The following DENND11 variants were observed in gnomAD, a reference collection of about 807,000 sequenced individuals.
DENND11 encodes DENN domain containing 11, also known as DENN domain-containing protein 11.
In DENND11, 34 loss-of-function variants were observed where a neutral mutation model predicts 49.2. The observed-to-expected ratio is 0.69, with a 90% CI of 0.53 to 0.92. The LOEUF is 0.92. Ranked by LOEUF, DENND11 falls within the 40% of genes least tolerant of loss-of-function variation. The pLI, the probability that DENND11 is intolerant of heterozygous loss-of-function variation, is 0.00. For missense variants in DENND11, 475 were observed against 581.6 expected (o/e 0.82, Z 1.88); for synonymous variants, 238 against 230.3 (o/e 1.03, Z -0.30).
chr7:141,674,047 A>C lies in DENND11; in HGVS notation c.681+20T>G. The C allele has an allele frequency of 6.2e-7, 1 of 1,600,790 alleles. No homozygotes were observed. The highest frequency in any genetic ancestry group is 1.3e-5 in the African/African-American group (1 of 74,832). On this transcript the variant is annotated intron_variant, in intron 4 of 8. Transcript: ENST00000536163. ...AGATACAGATCCAGTATAGTGTAAG[A>C]AAAGCAGGGCTAACCTCACCTTCAT...
chr7:141,666,276 C>A lies in DENND11; in HGVS notation c.820+11G>T. 1 of 1,588,404 alleles carries A rather than the reference C, an allele frequency of 6.3e-7. No homozygotes were observed. Among genetic ancestry groups the A allele is most frequent in the Middle Eastern group, 1.7e-4 (1 of 5,926 alleles). ...ATTTAAGCAGCACTCCTGACTCTGG[C>A]TTCTGGTTACCTCTATAGCACACCA... On this transcript the variant is annotated intron_variant, in intron 5 of 8. Transcript: ENST00000536163.
rs183108252 is a variant in DENND11 at position 141,663,049 on chromosome 7, G to A, written c.1173-198C>T. On this transcript the variant is annotated intron_variant, in intron 8 of 8. Transcript: ENST00000536163. ...CTAAGGTTAGCAAAGAAACCATTTG[G>A]CATTAATTATGGTGTGATTAGGGAA... 2.4e-5 allele frequency: 11 copies of A among 466,172 alleles called. 1 individual carries two copies. In the Middle Eastern group the frequency reaches 1.6e-3, roughly 69 times the overall value. 28.9% of individuals were successfully genotyped at this position (466,172 alleles called of 1,614,324 possible).
At chr7:141,666,181 C>A (rs897846838) in intron 5 of DENND11, 106 bp downstream of exon 5, 64 of 1,283,466 alleles carry the variant, frequency 5.0e-5, no homozygotes, top group Non-Finnish European at 6.6e-5. Context: ...AACCCCATCC[C>A]CTGGATGTGG....
intron 3 of DENND11, among the ~76,000 whole-genome samples, chr7:141,680,364 C>T (rs966330616): frequency 2.6e-5 from 4 of 151,710 alleles, no homozygotes; most frequent in South Asian, 2.1e-4. Flanking sequence ...TGTATATATA[C>T]ACACACACAC....
intron 4 of DENND11, among the ~76,000 whole-genome samples, chr7:141,669,973 G>A (rs1213240711): frequency 6.6e-6 from 1 of 151,108 alleles, no homozygotes; most frequent in Non-Finnish European, 1.5e-5. Flanking sequence ...ACCTCGCCCG[G>A]CTAATTTTTT....
intron 1 of DENND11, among the ~76,000 whole-genome samples, chr7:141,693,257 C>T (rs1482164093): frequency 1.3e-5 from 2 of 152,204 alleles, no homozygotes; most frequent in African/African-American, 4.8e-5. Flanking sequence ...ATGATGTTGA[C>T]TATTTTTTCA....
At chr7:141,674,253 A>ACACAC in intron 3 of DENND11, 33 bp from the exon 4 acceptor site, 1 of 1,518,782 alleles carries the variant, frequency 6.6e-7, no homozygotes. Flanking sequence ...ACACACACAC[A>ACACAC]CACACAGTGA....
At chr7:141,681,272 T>C (rs991077781) in intron 3 of DENND11, among the ~76,000 whole-genome samples, 5 of 152,110 alleles carry the variant, frequency 3.3e-5, no homozygotes, top group African/African-American at 1.2e-4. Flanking sequence ...AACTGGCTGG[T>C]TTGCAAGGAA....
chr7:141,699,633 ATAAG>A lies in DENND11; in HGVS notation c.268+2249_268+2252del, dbSNP rs1000748198. On this transcript the variant is annotated intron_variant, in intron 1 of 8. Coordinates refer to ENST00000536163, the MANE Select transcript of DENND11 (RefSeq NM_001080392.2). ...TCCCTCCTTTCTCCTCCATCCCTGG[ATAAG>A]TAAGGATCAGGTGCCAGGGAGCAGG... 2.6e-5 allele frequency among the ~76,000 whole-genome samples: 4 copies of A among 152,238 alleles called. No individual in the cohort carries two copies. In the East Asian group the frequency reaches 7.7e-4, roughly 29 times the overall value.
intron 3 of DENND11, among the ~76,000 whole-genome samples, chr7:141,678,105 G>A (rs1192618552): frequency 6.6e-6 from 1 of 152,000 alleles, no homozygotes; most frequent in Admixed American, 6.6e-5. Context: ...GGGACTACAG[G>A]TGCACACTGC....
intron 4 of DENND11, among the ~76,000 whole-genome samples, chr7:141,671,947 A>G (rs1797988354): frequency 6.6e-6 from 1 of 152,236 alleles, no homozygotes; most frequent in Admixed American, 6.5e-5. Flanking sequence ...GAGTTCTTCA[A>G]TGGAGAGCAT....
intron 8 of DENND11, 106 bp from the exon 9 acceptor site, chr7:141,662,957 C>G (rs926127818): frequency 1.3e-6 from 1 of 743,890 alleles, no homozygotes; most frequent in African/African-American, 1.8e-5. Flanking sequence ...GTTTAATGTA[C>G]TTTTCAGTGG....
At position 141,698,200 on chromosome 7, in the gene DENND11, C is replaced by T. The variant is rs890683602; in HGVS notation, c.268+3686G>A. On this transcript the variant is annotated intron_variant, in intron 1 of 8. Transcript: ENST00000536163. ...GCCCACACACAAGTCCTCAGCCACA[C>T]GGTGATACCGCTCTTGCCACCATCT... Among the ~76,000 whole-genome samples the T allele has an allele frequency of 1.1e-4, 17 of 152,334 alleles. No homozygotes were observed. In the East Asian group the frequency reaches 2.7e-3, roughly 24 times the overall value.
rs994155454 is a variant in DENND11, at chr7:141,658,357, G to A, written c.*4299C>T. The A allele has an allele frequency of 6.6e-6, 1 of 152,106 alleles. No individual in the cohort carries two copies. Among genetic ancestry groups the A allele is most frequent in the South Asian group, 2.1e-4 (1 of 4,818 alleles). 9.4% of individuals were successfully genotyped at this position (152,106 alleles called of 1,614,324 possible). A position where few individuals can be genotyped will look rare whatever the true frequency, so the allele number is the denominator to read the frequency against. The stretch of plus-strand genomic sequence containing the variant: ...AAAAATCCATGACTTGGGAGTAAAC[G>A]GAGCCCTTAACTCCTCCTCTCCCCC... On this transcript the variant is annotated 3_prime_UTR_variant, in exon 9 of 9. Coordinates refer to ENST00000536163, the MANE Select transcript of DENND11 (RefSeq NM_001080392.2).
intron 3 of DENND11, among the ~76,000 whole-genome samples, chr7:141,682,155 G>A (rs548587565): frequency 6.6e-6 from 1 of 152,088 alleles, no homozygotes; most frequent in Non-Finnish European, 1.5e-5. Flanking sequence ...ACCATGCCCT[G>A]GCCTAACGTA....
At chr7:141,665,133 G>T (rs1248195349) in intron 6 of DENND11, 54 bp downstream of exon 6, 3 of 1,610,540 alleles carry the variant, frequency 1.9e-6, no homozygotes, top group Non-Finnish European at 2.5e-6. Flanking sequence ...CCTGTGTCTG[G>T]GAGGAGCAGG....
intron 3 of DENND11, among the ~76,000 whole-genome samples, chr7:141,677,447 GTGTA>G (rs1798078468): frequency 6.9e-6 from 1 of 144,424 alleles, no homozygotes; most frequent in African/African-American, 2.5e-5. Flanking sequence ...GTGTGTGTGT[GTGTA>G]TTTACATATG....
intron 1 of DENND11, among the ~76,000 whole-genome samples, chr7:141,701,252 A>G (rs1309894385): frequency 1.3e-5 from 2 of 151,980 alleles, no homozygotes; most frequent in Non-Finnish European, 2.9e-5. Context: ...TGAATCCCTC[A>G]GCCCCATCCC....
In DENND11 at chr7:141,659,467, G is replaced by A. The variant is rs565641328; in HGVS notation, c.*3189C>T. Reference sequence around the variant, plus strand: ...GGGGCCAACTGGACATTTTCCCAAAGGCTGGGCAGTATCATCTGCTGAGCC... The same window carrying A: ...GGGGCCAACTGGACATTTTCCCAAAAGCTGGGCAGTATCATCTGCTGAGCC... On this transcript the variant is annotated 3_prime_UTR_variant, in exon 9 of 9. Coordinates refer to ENST00000536163, the MANE Select transcript of DENND11 (RefSeq NM_001080392.2). 3.9e-5 allele frequency: 6 copies of A among 152,366 alleles called. No homozygotes were observed. The East Asian group carries it at 1.2e-3, about 29-fold the overall frequency. The allele number at this position is 152,366 out of a possible 1,614,324, so 9.4% of individuals were successfully genotyped here. A position where few individuals can be genotyped will look rare whatever the true frequency, so the allele number is the denominator to read the frequency against.
Sources: gnomAD v4.1 joint callset for allele counts (sites outside exome capture counted in the v4.1 genomes callset) on GRCh38, gnomAD v4.1.1 for gene constraint, MANE v1.5 for transcripts, NCBI Gene and HGNC (gene_info 2026-07-23, HGNC 2026-07-21) for gene names.